Variants in RAPGEF1 observed in about 807,000 individuals in gnomAD.
RAPGEF1 encodes the protein Rap guanine nucleotide exchange factor 1.
In RAPGEF1, 33 loss-of-function variants were observed where a neutral mutation model predicts 143.3. That is an observed-to-expected ratio of 0.23 (90% CI 0.17 to 0.31). RAPGEF1 has a LOEUF of 0.31. Among genes scored for constraint, RAPGEF1 ranks in the 10% least tolerant of loss-of-function variants. The probability of loss-of-function intolerance (pLI) is 1.00; values close to 1 mark genes in which losing one functional copy is unlikely to be tolerated. For missense variants in RAPGEF1, 1,199 were observed against 1,645.4 expected, an observed-to-expected ratio of 0.73 and a Z score of 4.69; for synonymous variants, 629 against 676.5, an observed-to-expected ratio of 0.93 and a Z score of 1.09.
rs3837234 is a variant in RAPGEF1, at chr9:131,639,437, A to AGTGTGTGTGTGTGT, written c.495-660_495-647dup. Among the ~76,000 whole-genome samples, 635 of 149,176 alleles carry AGTGTGTGTGTGTGT rather than the reference A, an allele frequency of 4.3e-3. 13 individuals are homozygous for AGTGTGTGTGTGTGT. The highest frequency in any genetic ancestry group is 0.025 in the East Asian group (128 of 5,044). On this transcript the variant is annotated intron_variant, in intron 4 of 26. Coordinates refer to ENST00000683357, the MANE Select transcript of RAPGEF1 (RefSeq NM_001377935.1). ...GGATGTGAGGATGGGAACGCAGGTG[A>AGTGTGTGTGTGTGT]GTGTGTGTGTGTGTGTGTGTGTGTG...
At chr9:131,620,842 A>G (rs145390956) in intron 11 of RAPGEF1, among the ~76,000 whole-genome samples, 2 of 152,312 alleles carry the variant, frequency 1.3e-5, no homozygotes, top group Non-Finnish European at 2.9e-5. Context: ...TCCCAGAAGA[A>G]TCAGATGGCC....
At chr9:131,669,833 GCCTAAAATTCAAT>G (rs1412555175) in intron 1 of RAPGEF1, among the ~76,000 whole-genome samples, 2 of 152,358 alleles carry the variant, frequency 1.3e-5, no homozygotes, top group East Asian at 3.9e-4. Context: ...TTGGGTTAGA[GCCTAAAATTCAAT>G]CCACTTCATT....
intron 12 of RAPGEF1, among the ~76,000 whole-genome samples, chr9:131,607,412 G>A (rs372022635): frequency 2.0e-5 from 3 of 152,162 alleles, no homozygotes; most frequent in African/African-American, 2.4e-5. Flanking sequence ...CTGGGAGCTC[G>A]CTCTGGGCCT....
chr9:131,580,319 G>A lies in RAPGEF1; in HGVS notation c.3585C>T (p.Phe1195=), dbSNP rs1951671400. The A allele has an allele frequency of 1.2e-6, 2 of 1,614,028 alleles. No individual in the cohort carries two copies. Among genetic ancestry groups the A allele is most frequent in the African/African-American group, 2.7e-5 (2 of 75,062 alleles). Residue 1195 remains phenylalanine (F), a synonymous_variant, in exon 26 of 27, where the codon TTC becomes TTT. Transcript: ENST00000683357. The part of the protein sequence containing the change: ...NPDYIDGKVN[F]SKRWQQFNIL... ...TGTTGAACTGCTGCCACCGCTTGGAGAAGTTCACTTTCCCGTCGATGTAGT... is the reference window on the plus strand; with the variant it reads ...TGTTGAACTGCTGCCACCGCTTGGAAAAGTTCACTTTCCCGTCGATGTAGT...
intron 10 of RAPGEF1, among the ~76,000 whole-genome samples, chr9:131,622,569 C>T (rs1215164695): frequency 6.6e-6 from 1 of 152,190 alleles, no homozygotes; most frequent in Non-Finnish European, 1.5e-5. Flanking sequence ...GAAATGCTCT[C>T]TCTCCAGGAG....
At chr9:131,666,874 C>T (rs926917463) in intron 1 of RAPGEF1, among the ~76,000 whole-genome samples, 1 of 152,224 alleles carries the variant, frequency 6.6e-6, no homozygotes, top group African/African-American at 2.4e-5. Flanking sequence ...AGCCTGGGCC[C>T]TCACCTCCTG....
At chr9:131,632,295 A>AT (rs55684326) in intron 5 of RAPGEF1, among the ~76,000 whole-genome samples, 68,966 of 135,970 alleles carry the variant, frequency 0.51, 18,268 homozygotes, top group African/African-American at 0.68. Context: ...CACCCGGCTA[A>AT]TTTTTTTTTT....
rs759346484 is a variant in RAPGEF1 at position 131,628,611 on chromosome 9, C to T, written c.955G>A (p.Val319Met). Reference sequence around the variant, plus strand: ...GTGGCTCGGCTCATGGGGGCCACCACAGCCACTCGGGTAGGGGACGGCGCC... The same window carrying T: ...GTGGCTCGGCTCATGGGGGCCACCATAGCCACTCGGGTAGGGGACGGCGCC... ...QSAPSPTRVA[V>M]VAPMSRATSG... Residue 319 changes from valine (V) to methionine (M), a missense_variant, in exon 8 of 27, where the codon GTG becomes ATG. This residue lies in a region of RAPGEF1 where 613 missense variants were observed against 710.9 expected (regional missense o/e 0.86). Coordinates refer to ENST00000683357, the MANE Select transcript of RAPGEF1 (RefSeq NM_001377935.1). This position sits in a 1 kb window ranked among gnomAD's most constrained non-coding sequence, Gnocchi z 5.7. 9.3e-6 allele frequency: 15 copies of T among 1,613,352 alleles called. No individual in the cohort carries two copies. The South Asian group carries it at 1.5e-4, about 17-fold the overall frequency.
At chr9:131,591,268 T>C (rs1173486129) in intron 18 of RAPGEF1, among the ~76,000 whole-genome samples, 2 of 152,130 alleles carry the variant, frequency 1.3e-5, no homozygotes, top group Non-Finnish European at 2.9e-5. Flanking sequence ...AGTGGAGCAG[T>C]GAAGGCTCAG....
At chr9:131,604,528 T>C (rs1441754268) in intron 13 of RAPGEF1, among the ~76,000 whole-genome samples, 5 of 152,224 alleles carry the variant, frequency 3.3e-5, no homozygotes, top group Non-Finnish European at 1.5e-5. Context: ...ACACTTGTCC[T>C]GAATCTGTCA....
At chr9:131,726,264 A>G (rs577291901) in intron 1 of RAPGEF1, among the ~76,000 whole-genome samples, 1 of 152,300 alleles carries the variant, frequency 6.6e-6, no homozygotes, top group Non-Finnish European at 1.5e-5. Context: ...TAAAAGGCCG[A>G]TTACACACTT....
Position 131,582,630 on chromosome 9 carries a change from C to T in RAPGEF1, c.3487G>A (p.Val1163Met). The change falls in exon 25 of 27, where the codon GTG (valine) becomes ATG (methionine). Residue 1163 changes from valine to methionine, a missense_variant. Transcript: ENST00000683357. Reference protein sequence around the residue: ...FRAYRAALSEVEPPCIPYLGL... With the variant: ...FRAYRAALSEMEPPCIPYLGL... ...AGGTACGGGATGCACGGCGGTTCCA[C>T]CTCCGAGAGGGCGGCCCGGTAGGCT... 2.0e-6 allele frequency: 3 copies of T among 1,533,472 alleles called. No individual in the cohort carries two copies. The highest frequency in any genetic ancestry group is 2.6e-6 in the Non-Finnish European group (3 of 1,150,362). The allele number at this position is 1,533,472 out of a possible 1,614,324, so 95.0% of individuals were successfully genotyped here.
chr9:131,639,522 G>A (rs1967212280), intron 4 of RAPGEF1, among the ~76,000 whole-genome samples: 2 of 151,878 alleles, frequency 1.3e-5, no homozygotes, highest in Non-Finnish European at 2.9e-5. Flanking sequence ...ACAGACAGAA[G>A]CCCTGAGTGC....
intron 1 of RAPGEF1, among the ~76,000 whole-genome samples, chr9:131,712,506 G>A (rs2131220703): frequency 6.6e-6 from 1 of 152,248 alleles, no homozygotes; most frequent in Middle Eastern, 3.4e-3. Context: ...CTTAGCTCAG[G>A]CCACTCTGGG....
At chr9:131,631,107 C>T (rs192503065) in intron 5 of RAPGEF1, among the ~76,000 whole-genome samples, 44 of 152,280 alleles carry the variant, frequency 2.9e-4, no homozygotes, top group African/African-American at 8.7e-4. Flanking sequence ...TCATAGATTA[C>T]TTTTGCCTGT....
At chr9:131,604,190 C>T in intron 13 of RAPGEF1, 137 bp from the exon 14 acceptor site, 1 of 427,572 alleles carries the variant, frequency 2.3e-6, no homozygotes, top group South Asian at 1.9e-5. Context: ...CCACCTCTTG[C>T]CTCTGTGCTA....
chr9:131,581,790 G>A (rs1427445737), intron 25 of RAPGEF1, among the ~76,000 whole-genome samples: 1 of 152,182 alleles, frequency 6.6e-6, no homozygotes, highest in African/African-American at 2.4e-5. Context: ...AGAAAGACAG[G>A]GGCAGTTCCT....
chr9:131,645,834 G>A (rs968430882), intron 3 of RAPGEF1, among the ~76,000 whole-genome samples: 4 of 152,230 alleles, frequency 2.6e-5, no homozygotes, highest in African/African-American at 9.6e-5. Context: ...GAGGCTGTCC[G>A]TGTCTGGGGA....
chr9:131,614,314 C>T (rs1958545864), intron 12 of RAPGEF1, among the ~76,000 whole-genome samples: 1 of 152,252 alleles, frequency 6.6e-6, no homozygotes, highest in African/African-American at 2.4e-5. Flanking sequence ...GTCAGGATGG[C>T]AGGAACTTAT....
Sources: allele counts gnomAD v4.1 joint callset (sites outside exome capture counted in the v4.1 genomes callset), GRCh38; gene constraint gnomAD v4.1.1; regional missense constraint gnomAD v4.1.1; non-coding constraint Gnocchi (gnomAD v3.1); transcripts MANE v1.5; gene names NCBI Gene and HGNC (gene_info 2026-07-23, HGNC 2026-07-21).